Variants in MTNR1B observed in about 807,000 individuals in gnomAD.
MTNR1B encodes the protein melatonin receptor type 1B.
MTNR1B carries 7 observed loss-of-function variants against 7.0 expected under a neutral mutation model. The ratio of observed to expected loss-of-function variants is 1.00; its 90% confidence interval spans 0.57 to 1.88. The LOEUF (loss-of-function observed/expected upper bound fraction) is 1.88. Ranked by LOEUF, MTNR1B falls within the 40% of genes most tolerant of loss-of-function variation. The pLI, the probability that MTNR1B is intolerant of heterozygous loss-of-function variation, is 0.00. For synonymous variants in MTNR1B, 226 were observed against 208.2 expected (o/e 1.09, Z -0.74); for missense variants, 478 against 486.5 (o/e 0.98, Z 0.16).
chr11:92,981,479 G>T lies in MTNR1B; in HGVS notation c.256G>T (p.Asp86Tyr). Residue 86 changes from aspartate to tyrosine, a missense_variant, in exon 2 of 2, where the codon GAC becomes TAC. Coordinates refer to ENST00000257068, the MANE Select transcript of MTNR1B (RefSeq NM_005959.5). ...NLFLVSLALADLVVAFYPYPL... is the reference protein window; with the variant it reads ...NLFLVSLALAYLVVAFYPYPL... Reference sequence around the variant, plus strand: ...GTTCTTGGTGAGTCTGGCATTGGCTGACCTGGTGGTGGCCTTCTACCCCTA... The same window carrying T: ...GTTCTTGGTGAGTCTGGCATTGGCTTACCTGGTGGTGGCCTTCTACCCCTA... 1.2e-6 allele frequency: 2 copies of T among 1,614,062 alleles called. No individual in the cohort carries two copies. The highest frequency in any genetic ancestry group is 1.7e-6 in the Non-Finnish European group (2 of 1,179,982).
intron 1 of MTNR1B, chr11:92,972,395 C>T (rs1857943859): frequency 8.8e-6 from 4 of 456,246 alleles, no homozygotes; most frequent in Non-Finnish European, 1.8e-5. Flanking sequence ...AGATCTGTAT[C>T]ATTCCTAACA....
chr11:92,971,871 T>A (rs956677401), intron 1 of MTNR1B, among the ~76,000 whole-genome samples: 5 of 152,104 alleles, frequency 3.3e-5, no homozygotes, highest in Admixed American at 2.6e-4. Flanking sequence ...TGCTGGCATA[T>A]CCTCTGTTCT....
chr11:92,975,708 A>C (rs1858000584), intron 1 of MTNR1B, among the ~76,000 whole-genome samples: 1 of 152,200 alleles, frequency 6.6e-6, no homozygotes, highest in Non-Finnish European at 1.5e-5. Context: ...GATGCTTAAT[A>C]AGCAGCATGG....
At chr11:92,975,277 G>C (rs1441783166) in intron 1 of MTNR1B, among the ~76,000 whole-genome samples, 1 of 152,220 alleles carries the variant, frequency 6.6e-6, no homozygotes, top group Non-Finnish European at 1.5e-5. Context: ...GCAGTCAGAA[G>C]CTGTGGTCTG....
chr11:92,974,039 C>T (rs1311450417), intron 1 of MTNR1B, among the ~76,000 whole-genome samples: 1 of 152,232 alleles, frequency 6.6e-6, no homozygotes, highest in Admixed American at 6.5e-5. Flanking sequence ...TGCATGAAGG[C>T]ATGCTTGTTC....
At chr11:92,984,778 C>T (rs1415446298), downstream of MTNR1B, 4 of 428,434 alleles carry the variant, frequency 9.3e-6, no homozygotes, top group Admixed American at 1.1e-4. Flanking sequence ...TGACAATCCA[C>T]TAATTGGAAT....
chr11:92,971,935 A>T (rs1857932547), intron 1 of MTNR1B, among the ~76,000 whole-genome samples: 1 of 152,290 alleles, frequency 6.6e-6, no homozygotes, highest in East Asian at 1.9e-4. Flanking sequence ...AACAAAAAAA[A>T]ATAATAATAA....
At position 92,969,663 on chromosome 11, in the gene MTNR1B, G is replaced by C; in HGVS notation, c.-63G>C. ...GGAAGAGAGCGCCCGGCTCAGTACT[G>C]CGCGCGCCCTGCGGCTGTCCGGGGC... is the stretch of plus-strand genomic sequence containing the variant. On this transcript the variant is annotated 5_prime_UTR_variant, in exon 1 of 2. Coordinates refer to ENST00000257068, the MANE Select transcript of MTNR1B (RefSeq NM_005959.5). The C allele has an allele frequency of 7.3e-7, 1 of 1,369,660 alleles. No individual in the cohort carries two copies. The highest frequency in any genetic ancestry group is 1.7e-5 in the South Asian group (1 of 59,008). 84.8% of individuals were successfully genotyped at this position (1,369,660 alleles called of 1,614,324 possible). A position where few individuals can be genotyped will look rare whatever the true frequency, so the allele number is the denominator to read the frequency against.
In MTNR1B at chr11:92,982,443, A is replaced by C. The variant is rs1858127907; in HGVS notation, c.*131A>C. The C allele has an allele frequency of 8.7e-7, 1 of 1,148,576 alleles. No individual in the cohort carries two copies. Among genetic ancestry groups the C allele is most frequent in the Non-Finnish European group, 1.2e-6 (1 of 833,366 alleles). The allele number at this position is 1,148,576 out of a possible 1,614,324, so 71.1% of individuals were successfully genotyped here. A position where few individuals can be genotyped will look rare whatever the true frequency, so the allele number is the denominator to read the frequency against. ...GGCATCACAGCCCCAAGGCTGGGGG[A>C]ACTTCATGCTGGGACAAGCAGCCCA... On this transcript the variant is annotated 3_prime_UTR_variant, in exon 2 of 2. Transcript: ENST00000257068.
chr11:92,978,346 G>A (rs759959469), intron 1 of MTNR1B, among the ~76,000 whole-genome samples: 6 of 152,210 alleles, frequency 3.9e-5, no homozygotes, highest in South Asian at 2.1e-4. Flanking sequence ...TGCGCTCTGC[G>A]TATGAATCCT....
At chr11:92,979,784 G>A (rs560106468) in intron 1 of MTNR1B, among the ~76,000 whole-genome samples, 2 of 152,280 alleles carry the variant, frequency 1.3e-5, no homozygotes, top group East Asian at 3.9e-4. Context: ...GTCAAAATAG[G>A]CCCTTCATGA....
chr11:92,972,409 C>A, intron 1 of MTNR1B: 1 of 456,204 alleles, frequency 2.2e-6, no homozygotes, highest in Non-Finnish European at 4.4e-6. Flanking sequence ...CCTAACAGTG[C>A]CGCTCCTGAT....
chr11:92,974,694 T>G (rs1309267325), intron 1 of MTNR1B, among the ~76,000 whole-genome samples: 1 of 150,884 alleles, frequency 6.6e-6, no homozygotes, highest in Non-Finnish European at 1.5e-5. Flanking sequence ...CTCCGCCCCC[T>G]GGGGTTCATG....
chr11:92,980,441 G>A (rs1324313679), intron 1 of MTNR1B, among the ~76,000 whole-genome samples: 1 of 152,168 alleles, frequency 6.6e-6, no homozygotes, highest in Non-Finnish European at 1.5e-5. Flanking sequence ...TAGGTTCTTG[G>A]TGCTCTATTC....
intron 1 of MTNR1B, among the ~76,000 whole-genome samples, chr11:92,973,942 A>C (rs1049875511): frequency 1.3e-5 from 2 of 152,234 alleles, no homozygotes; most frequent in Non-Finnish European, 2.9e-5. Flanking sequence ...GCACTGCATA[A>C]GTAATCAATA....
chr11:92,972,083 T>A (rs1031249075), intron 1 of MTNR1B, among the ~76,000 whole-genome samples: 1 of 152,048 alleles, frequency 6.6e-6, no homozygotes. Context: ...CTCAGCAGAG[T>A]GAGATTTCAA....
At chr11:92,984,350 A>C (rs905561735), downstream of MTNR1B, among the ~76,000 whole-genome samples, 1 of 152,158 alleles carries the variant, frequency 6.6e-6, no homozygotes, top group Non-Finnish European at 1.5e-5. Flanking sequence ...CCTTGACCTA[A>C]CTGTTGGGAA....
rs772886676 is a variant in MTNR1B, at chr11:92,981,647, A to G, written c.424A>G (p.Ile142Val). 1.9e-6 allele frequency: 3 copies of G among 1,614,136 alleles called. No individual in the cohort carries two copies. In the Admixed American group the frequency reaches 5.0e-5, roughly 27 times the overall value. The part of the protein sequence containing the change: ...TAIAINRYCY[I>V]CHSMAYHRIY... ...CATCGCCATTAACCGCTACTGCTAC[A>G]TCTGCCACAGCATGGCCTACCACCG... The change falls in exon 2 of 2, where the codon ATC (isoleucine) becomes GTC (valine). Residue 142 changes from isoleucine (I) to valine (V), a missense_variant. Coordinates refer to ENST00000257068, the MANE Select transcript of MTNR1B (RefSeq NM_005959.5).
At chr11:92,978,889 C>T (rs1217555470) in intron 1 of MTNR1B, among the ~76,000 whole-genome samples, 1 of 152,198 alleles carries the variant, frequency 6.6e-6, no homozygotes, top group Non-Finnish European at 1.5e-5. Context: ...AAACAGCTGG[C>T]AGAGCTGGCA....
Sources: allele counts gnomAD v4.1 joint callset (sites outside exome capture counted in the v4.1 genomes callset), GRCh38; gene constraint gnomAD v4.1.1; transcripts MANE v1.5; gene names NCBI Gene and HGNC (gene_info 2026-07-23, HGNC 2026-07-21).